TRAM1: variants seen among roughly 807,000 people sequenced by gnomAD.
The protein encoded by TRAM1 is translocating chain-associated membrane protein 1.
A neutral mutation model predicts 48.7 loss-of-function variants in TRAM1; 17 were observed. The ratio of observed to expected loss-of-function variants is 0.35; its 90% confidence interval spans 0.24 to 0.52. The LOEUF is 0.52. TRAM1 is among the 20% of genes least tolerant of loss of function. The pLI is 0.94. For synonymous variants in TRAM1, 182 were observed against 154.0 expected (o/e 1.18, Z -1.34); for missense variants, 351 against 441.5 (o/e 0.79, Z 1.84).
At chr8:70,602,424 G>A (rs1399908451) in intron 1 of TRAM1, among the ~76,000 whole-genome samples, 3 of 152,104 alleles carry the variant, frequency 2.0e-5, no homozygotes, top group African/African-American at 4.8e-5. Flanking sequence ...AGAGAATAAC[G>A]GATGGAGGCA....
In TRAM1 at chr8:70,573,870, A is replaced by G. The variant is rs919784994; in HGVS notation, c.*1062T>C. ...TGTAGAGATACAAATATATATATAT[A>G]TATTTATCCAAAAATATGTTTTATA... On this transcript the variant is annotated 3_prime_UTR_variant, in exon 11 of 11. Transcript: ENST00000262213. The G allele has an allele frequency of 6.5e-6, 1 of 152,766 alleles. No individual in the cohort carries two copies. Among genetic ancestry groups the G allele is most frequent in the Non-Finnish European group, 1.5e-5 (1 of 68,276 alleles). 9.5% of individuals were successfully genotyped at this position (152,766 alleles called of 1,614,324 possible). A position where few individuals can be genotyped will look rare whatever the true frequency, so the allele number is the denominator to read the frequency against.
chr8:70,604,415 T>C (rs1000296846), intron 1 of TRAM1, among the ~76,000 whole-genome samples: 1 of 152,136 alleles, frequency 6.6e-6, no homozygotes, highest in African/African-American at 2.4e-5. Flanking sequence ...TGGGGCTCAG[T>C]GGCACGTGCC....
In TRAM1 at chr8:70,573,958, T is replaced by C. The variant is rs1486404905; in HGVS notation, c.*974A>G. 1.0e-5 allele frequency: 2 copies of C among 193,006 alleles called. No homozygotes were observed. Among genetic ancestry groups the C allele is most frequent in the African/African-American group, 4.8e-5 (2 of 41,694 alleles). 12.0% of individuals were successfully genotyped at this position (193,006 alleles called of 1,614,324 possible). On this transcript the variant is annotated 3_prime_UTR_variant, in exon 11 of 11. Transcript: ENST00000262213. ...TATAGGTATAACATAAAGCACATTG[T>C]CTTTTGTAAGACTATTTATCCACCT...
rs568029635 is a variant in TRAM1, at chr8:70,592,164, C to G, written c.570+2342G>C. On this transcript the variant is annotated intron_variant, in intron 6 of 10. Transcript: ENST00000262213. The stretch of plus-strand genomic sequence containing the variant: ...AAAGCTCATATATTCAAGCTGTCTA[C>G]GAAATATTTTGAATCTTCTCATGGG... Among the ~76,000 whole-genome samples, 3 of 152,214 alleles carry G rather than the reference C, an allele frequency of 2.0e-5. No individual in the cohort carries two copies. The East Asian group carries it at 5.8e-4, about 29-fold the overall frequency.
At position 70,583,733 on chromosome 8, in the gene TRAM1, T is replaced by C; in HGVS notation, c.807A>G (p.Val269=). The change falls in exon 9 of 11, where the codon GTA becomes GTG. Residue 269 remains valine, a synonymous_variant. Transcript: ENST00000262213. ...LGRLLTLILS[V]LTVGFGLARA... ...TTGCAAGGCCAAAACCAACAGTCAGTACTGAAAGAATTAAAGTCAGAAGTC... is the reference window on the plus strand; with the variant it reads ...TTGCAAGGCCAAAACCAACAGTCAGCACTGAAAGAATTAAAGTCAGAAGTC... 6.2e-7 allele frequency: 1 copy of C among 1,608,112 alleles called. No individual in the cohort carries two copies. The highest frequency in any genetic ancestry group is 8.5e-7 in the Non-Finnish European group (1 of 1,178,232).
chr8:70,598,607 T>C (rs1817540162), intron 2 of TRAM1, among the ~76,000 whole-genome samples: 1 of 152,180 alleles, frequency 6.6e-6, no homozygotes, highest in Admixed American at 6.5e-5. Flanking sequence ...CCTATTTTTT[T>C]CAAAGGGCTT....
chr8:70,585,522 C>T lies in TRAM1; in HGVS notation c.746+1373G>A, dbSNP rs567966063. Among the ~76,000 whole-genome samples, 11 of 147,152 alleles carry T rather than the reference C, an allele frequency of 7.5e-5. No homozygotes were observed. The South Asian group carries it at 2.4e-3, about 32-fold the overall frequency. On this transcript the variant is annotated intron_variant, in intron 8 of 10. Transcript: ENST00000262213. ...AATGGGAGAAAATTTTCACAACCTA[C>T]TCATCTGACAAAGGGCTAATATCCA...
Position 70,608,036 on chromosome 8 carries a change from G to A in TRAM1, c.123+41C>T, listed in dbSNP as rs976975931. ...GCATCTGGAGCCCGGGCCCGGGCTG[G>A]AGGTGGCGGGGCAGGCGGTTGGGAC... On this transcript the variant is annotated intron_variant, in intron 1 of 10. Coordinates refer to ENST00000262213, the MANE Select transcript of TRAM1 (RefSeq NM_014294.6). 2.6e-6 allele frequency: 4 copies of A among 1,556,322 alleles called. No homozygotes were observed. The East Asian group carries it at 7.3e-5, about 28-fold the overall frequency.
chr8:70,575,831 C>G (rs1410991685), intron 10 of TRAM1, among the ~76,000 whole-genome samples: 2 of 151,960 alleles, frequency 1.3e-5, no homozygotes, highest in African/African-American at 4.8e-5. Flanking sequence ...AATCCCAGCA[C>G]TTTGGGAGGC....
At chr8:70,588,432 TTTTAAAAATTAGCCAGGCATGGTGG>T (rs1187031829) in intron 6 of TRAM1, among the ~76,000 whole-genome samples, 1 of 151,850 alleles carries the variant, frequency 6.6e-6, no homozygotes, top group Non-Finnish European at 1.5e-5. Flanking sequence ...CAAAAAAATG[TTTTAAAAATTAGCCAGGCATGGTGG>T]CATGTGCCTG....
In TRAM1 at chr8:70,574,747, TA is replaced by T. The variant is rs1339853970; in HGVS notation, c.*184del. On this transcript the variant is annotated 3_prime_UTR_variant, in exon 11 of 11. Coordinates refer to ENST00000262213, the MANE Select transcript of TRAM1 (RefSeq NM_014294.6). The stretch of plus-strand genomic sequence containing the variant: ...GCAGGTAGCTTAGTCTAAGCTAAAA[TA>T]TTTTTTTCATTCATAGCAATAATCC... The T allele has an allele frequency of 2.2e-5, 11 of 503,102 alleles. No individual in the cohort carries two copies. The highest frequency in any genetic ancestry group is 3.5e-5 in the Non-Finnish European group (10 of 289,686). 31.2% of individuals were successfully genotyped at this position (503,102 alleles called of 1,614,324 possible). A position where few individuals can be genotyped will look rare whatever the true frequency, so the allele number is the denominator to read the frequency against.
chr8:70,607,765 A>C, intron 1 of TRAM1: 1 of 194,634 alleles, frequency 5.1e-6, no homozygotes, highest in Non-Finnish European at 1.0e-5. Flanking sequence ...CCTTCGCGGG[A>C]ACCAGGAACT....
In TRAM1 at chr8:70,601,957, G is replaced by A. The variant is rs113043654; in HGVS notation, c.124-1875C>T. On this transcript the variant is annotated intron_variant, in intron 1 of 10. Transcript: ENST00000262213. ...TGTGAAAATACATAAATCATATATGGAGAGTGCACAGTATTTGTAGAGAAG... is the reference window on the plus strand; with the variant it reads ...TGTGAAAATACATAAATCATATATGAAGAGTGCACAGTATTTGTAGAGAAG... 8.5e-3 allele frequency among the ~76,000 whole-genome samples: 1,296 copies of A among 152,228 alleles called. 15 individuals are homozygous for A. Among genetic ancestry groups the A allele is most frequent in the African/African-American group, 0.028 (1,176 of 41,538 alleles).
chr8:70,598,020 A>T lies in TRAM1; in HGVS notation c.310-9T>A. The T allele has an allele frequency of 6.4e-7, 1 of 1,568,854 alleles. No individual in the cohort carries two copies. Among genetic ancestry groups the T allele is most frequent in the Non-Finnish European group, 8.7e-7 (1 of 1,155,510 alleles). ...ATTCGCCTGTTAATTTTCTAAAAAT[A>T]AAAACAGCCATTAGTAATTAAGAAT... On this transcript the variant is annotated splice_polypyrimidine_tract_variant and intron_variant, in intron 3 of 10. Transcript: ENST00000262213.
chr8:70,607,360 G>A, intron 1 of TRAM1: 1 of 985,422 alleles, frequency 1.0e-6, no homozygotes, highest in Non-Finnish European at 1.2e-6. Flanking sequence ...TTATCCATCA[G>A]ACCTTGTTTC....
intron 6 of TRAM1, among the ~76,000 whole-genome samples, chr8:70,592,995 T>C (rs1817402299): frequency 1.3e-5 from 2 of 152,186 alleles, no homozygotes; most frequent in South Asian, 2.1e-4. Flanking sequence ...TGATTCACAT[T>C]AGGAGCTTAC....
Position 70,608,257 on chromosome 8 carries a change from G to A in TRAM1, c.-58C>T, listed in dbSNP as rs559815772. On this transcript the variant is annotated 5_prime_UTR_variant, in exon 1 of 11. Coordinates refer to ENST00000262213, the MANE Select transcript of TRAM1 (RefSeq NM_014294.6). ...CGCCCCGGTTCTGCTCTTCCCAGCTGCTCACCGACTCGCCGCCGCCTCCCG... is the reference window on the plus strand; with the variant it reads ...CGCCCCGGTTCTGCTCTTCCCAGCTACTCACCGACTCGCCGCCGCCTCCCG... 3 of 1,502,112 alleles carry A rather than the reference G, an allele frequency of 2.0e-6. No individual in the cohort carries two copies. The South Asian group carries it at 3.7e-5, about 19-fold the overall frequency. 93.0% of individuals were successfully genotyped at this position (1,502,112 alleles called of 1,614,324 possible). A position where few individuals can be genotyped will look rare whatever the true frequency, so the allele number is the denominator to read the frequency against.
Position 70,574,348 on chromosome 8 carries a change from G to T in TRAM1, c.*584C>A. ...GTGTTGTAACGATTATTATGTTTTT[G>T]TTTTTAAAATGGGGATGTAATACTA... On this transcript the variant is annotated 3_prime_UTR_variant, in exon 11 of 11. Coordinates refer to ENST00000262213, the MANE Select transcript of TRAM1 (RefSeq NM_014294.6). 3.5e-6 allele frequency: 1 copy of T among 289,714 alleles called. No individual in the cohort carries two copies. The highest frequency in any genetic ancestry group is 6.7e-6 in the Non-Finnish European group (1 of 148,396). The allele number at this position is 289,714 out of a possible 1,614,324, so 17.9% of individuals were successfully genotyped here. A position where few individuals can be genotyped will look rare whatever the true frequency, so the allele number is the denominator to read the frequency against.
intron 6 of TRAM1, among the ~76,000 whole-genome samples, chr8:70,591,965 C>A (rs1204236662): frequency 2.0e-5 from 3 of 151,948 alleles, no homozygotes; most frequent in African/African-American, 7.3e-5. Context: ...ATACTAACAT[C>A]AAAGTTGCAT....
Sources: allele counts gnomAD v4.1 joint callset (sites outside exome capture counted in the v4.1 genomes callset), GRCh38; gene constraint gnomAD v4.1.1; transcripts MANE v1.5; gene names NCBI Gene and HGNC (gene_info 2026-07-23, HGNC 2026-07-21).